The following CYP4A22 variants were observed in gnomAD, a reference collection of about 807,000 sequenced individuals.
CYP4A22 encodes the protein cytochrome P450 family 4 subfamily A member 22, also known as cytochrome P450 4A22.
In CYP4A22, 46 loss-of-function variants were observed where a neutral mutation model predicts 56.2. The observed-to-expected ratio is 0.82, with a 90% CI of 0.65 to 1.05. The LOEUF (loss-of-function observed/expected upper bound fraction) is 1.05, where lower values mean the gene tolerates loss of function less well. CYP4A22 is among the 50% of genes least tolerant of loss of function. The pLI, the probability that CYP4A22 is intolerant of heterozygous loss-of-function variation, is 0.00. For missense variants in CYP4A22, 541 were observed against 645.9 expected (o/e 0.84, Z 1.76); for synonymous variants, 193 against 251.1 (o/e 0.77, Z 2.19).
chr1:47,142,333 T>C, intron 4 of CYP4A22, 98 bp downstream of exon 4: 1 of 1,488,078 alleles, frequency 6.7e-7, no homozygotes, highest in Non-Finnish European at 9.0e-7. Context: ...GCCATAGACA[T>C]AGACACATGG....
intron 3 of CYP4A22, among the ~76,000 whole-genome samples, chr1:47,141,818 G>A (rs1645013371): frequency 6.6e-6 from 1 of 152,142 alleles, no homozygotes; most frequent in African/African-American, 2.4e-5. Context: ...TCCATTTCAT[G>A]TCTCAGTTCT....
intron 1 of CYP4A22, among the ~76,000 whole-genome samples, chr1:47,138,822 A>C (rs758861207): frequency 5.3e-5 from 8 of 152,218 alleles, no homozygotes; most frequent in Admixed American, 2.0e-4. Context: ...GTGCACTGCT[A>C]TCCCTGCATG....
chr1:47,143,190 C>A, intron 4 of CYP4A22, 79 bp from the exon 5 acceptor site: 1 of 1,546,840 alleles, frequency 6.5e-7, no homozygotes, highest in Non-Finnish European at 8.7e-7. Context: ...AAGATATCTG[C>A]AGGTACATGA....
intron 9 of CYP4A22, among the ~76,000 whole-genome samples, 175 bp downstream of exon 9, chr1:47,145,145 C>T (rs527580586): frequency 6.6e-6 from 1 of 152,192 alleles, no homozygotes; most frequent in Non-Finnish European, 1.5e-5. Context: ...AGAGCTTGAA[C>T]CCACCGAAAG....
chr1:47,147,299 C>G (rs1362178275), intron 11 of CYP4A22: 12 of 985,326 alleles, frequency 1.2e-5, no homozygotes, highest in Middle Eastern at 5.2e-4. Flanking sequence ...CATTCCTAAG[C>G]TCCATTTCTA....
At chr1:47,139,607 C>A (rs1644984773) in intron 1 of CYP4A22, among the ~76,000 whole-genome samples, 1 of 152,344 alleles carries the variant, frequency 6.6e-6, no homozygotes, top group Admixed American at 6.5e-5. Flanking sequence ...CTGAGCCACA[C>A]TGGGCACATA....
chr1:47,148,541 C>T, intron 11 of CYP4A22, 61 bp from the exon 12 acceptor site: 2 of 1,534,210 alleles, frequency 1.3e-6, no homozygotes, highest in Non-Finnish European at 1.8e-6. Context: ...GGGCCAAAAC[C>T]TGCTCAGATC....
intron 3 of CYP4A22, 39 bp from the exon 4 acceptor site, chr1:47,142,067 CCT>C: frequency 6.3e-7 from 1 of 1,584,298 alleles, no homozygotes; most frequent in Non-Finnish European, 8.6e-7. Flanking sequence ...GTCCGTGCAG[CCT>C]CTGATACACA....
rs557757874 is a variant in CYP4A22, at chr1:47,139,307, A to C, written c.196-1473A>C. 4.3e-4 allele frequency among the ~76,000 whole-genome samples: 66 copies of C among 152,184 alleles called. 1 individual carries two copies. Among genetic ancestry groups the C allele is most frequent in the Non-Finnish European group, 7.1e-4 (48 of 68,036 alleles). ...GGCCAGAGCAGTGTTAACTTGACTT[A>C]GTTACTGTTCTGCAGTGTCATAAGT... On this transcript the variant is annotated intron_variant, in intron 1 of 11. Transcript: ENST00000371891.
rs146679912 is a variant in CYP4A22 at position 47,141,751 on chromosome 1, A to G, written c.382+136A>G. Reference sequence around the variant, plus strand: ...AAATCAAGCCTCATTTCCCTCTTCTAACAAGACCCTCACCCCTTCCTAATG... The same window carrying G: ...AAATCAAGCCTCATTTCCCTCTTCTGACAAGACCCTCACCCCTTCCTAATG... On this transcript the variant is annotated intron_variant, in intron 3 of 11. Transcript: ENST00000371891. 4.4e-4 allele frequency: 528 copies of G among 1,209,316 alleles called. 3 individuals carry two copies. In the Middle Eastern group the frequency reaches 8.5e-3, roughly 19 times the overall value. The allele number at this position is 1,209,316 out of a possible 1,614,324, so 74.9% of individuals were successfully genotyped here. A position where few individuals can be genotyped will look rare whatever the true frequency, so the allele number is the denominator to read the frequency against.
chr1:47,140,267 C>A (rs1301668034), intron 1 of CYP4A22, among the ~76,000 whole-genome samples: 1 of 152,178 alleles, frequency 6.6e-6, no homozygotes, highest in African/African-American at 2.4e-5. Flanking sequence ...TACTATTATG[C>A]ACACAATTTT....
In CYP4A22 at chr1:47,146,079, G is replaced by T. The variant is rs1645073083; in HGVS notation, c.1290G>T (p.Val430=). 1.9e-6 allele frequency: 3 copies of T among 1,614,194 alleles called. No homozygotes were observed. Among genetic ancestry groups the T allele is most frequent in the Non-Finnish European group, 2.5e-6 (3 of 1,180,022 alleles). ...TGGCTCTGGTGCTCTCTCTGCAGGT[G>T]TTTGACCCTTCCCGTTTTGCACCGG... ...HNPKVWPNLE[V]FDPSRFAPGS... The change falls in exon 11 of 12, where the codon GTG becomes GTT. Residue 430 remains valine (V), a splice_region_variant and synonymous_variant. Transcript: ENST00000371891.
intron 3 of CYP4A22, 102 bp from the exon 4 acceptor site, chr1:47,142,006 C>T: frequency 2.7e-6 from 4 of 1,499,194 alleles, no homozygotes; most frequent in Admixed American, 2.1e-5. Flanking sequence ...GATAGTTCTT[C>T]CCCCAGGAAG....
At position 47,143,875 on chromosome 1, in the gene CYP4A22, G is replaced by T. The variant is rs569148380; in HGVS notation, c.749G>T (p.Arg250Leu). The T allele has an allele frequency of 6.2e-7, 1 of 1,613,746 alleles. No homozygotes were observed. Among genetic ancestry groups the T allele is most frequent in the African/African-American group, 1.3e-5 (1 of 74,896 alleles). Reference protein sequence around the residue: ...DTIYSLTSAGRWTHRACQLAH... With the variant: ...DTIYSLTSAGLWTHRACQLAH... ...ATCTACAGCCTGACCTCTGCTGGCC[G>T]CTGGACACACCGCGCCTGCCAGCTG... The change falls in exon 6 of 12, where the codon CGC becomes CTC. Residue 250 changes from arginine to leucine, a missense_variant. This residue lies in a region of CYP4A22 where 335 missense variants were observed against 361.2 expected (regional missense o/e 0.93). Coordinates refer to ENST00000371891, the MANE Select transcript of CYP4A22 (RefSeq NM_001010969.4).
intron 1 of CYP4A22, among the ~76,000 whole-genome samples, chr1:47,140,121 G>A (rs1418151449): frequency 6.6e-6 from 1 of 152,178 alleles, no homozygotes; most frequent in Non-Finnish European, 1.5e-5. Context: ...ACTGCAGGCA[G>A]CAGGGAGCTC....
intron 9 of CYP4A22, 73 bp downstream of exon 9, chr1:47,145,043 T>C (rs35614918): frequency 4.4e-6 from 7 of 1,585,780 alleles, no homozygotes; most frequent in Non-Finnish European, 6.0e-6. Flanking sequence ...CCATGTGTGC[T>C]TCAGAGTTCT....
In CYP4A22 at chr1:47,143,394, G is replaced by A. The variant is rs536469705; in HGVS notation, c.635+1G>A. On this transcript the variant is annotated splice_donor_variant, in intron 5 of 11. Coordinates refer to ENST00000371891, the MANE Select transcript of CYP4A22 (RefSeq NM_001010969.4). LOFTEE classifies it high-confidence loss of function. Reference sequence around the variant, plus strand: ...ATCAGGGCAGCATCCAGGTGGACAGGTCAGTGACAACCCTCCAGCTGCAGG... The same window carrying A: ...ATCAGGGCAGCATCCAGGTGGACAGATCAGTGACAACCCTCCAGCTGCAGG... 2.5e-6 allele frequency: 4 copies of A among 1,607,660 alleles called. No individual in the cohort carries two copies. In the South Asian group the frequency reaches 3.3e-5, roughly 13 times the overall value.
At chr1:47,140,185 A>T (rs1410872543) in intron 1 of CYP4A22, among the ~76,000 whole-genome samples, 1 of 152,224 alleles carries the variant, frequency 6.6e-6, no homozygotes, top group Non-Finnish European at 1.5e-5. Flanking sequence ...TCAAAATTAT[A>T]GTCCAACACC....
At chr1:47,148,572 G>A (rs536383705) in intron 11 of CYP4A22, 30 bp from the exon 12 acceptor site, 31 of 1,581,522 alleles carry the variant, frequency 2.0e-5, no homozygotes, top group South Asian at 7.1e-5. Context: ...CTGAGGACAC[G>A]TCTCAATTCA....
Sources: allele counts gnomAD v4.1 joint callset (sites outside exome capture counted in the v4.1 genomes callset), GRCh38; gene constraint gnomAD v4.1.1; regional missense constraint gnomAD v4.1.1; transcripts MANE v1.5; gene names NCBI Gene and HGNC (gene_info 2026-07-23, HGNC 2026-07-21).